INSL6: variants seen among roughly 807,000 people sequenced by gnomAD.
INSL6 encodes insulin-like peptide INSL6.
INSL6 carries 16 observed loss-of-function variants against 9.4 expected under a neutral mutation model. The observed-to-expected ratio is 1.70, with a 90% confidence interval of 1.15 to 2.59. The LOEUF (loss-of-function observed/expected upper bound fraction) is 2.59. Among genes scored for constraint, INSL6 ranks in the 30% most tolerant of loss-of-function variants. The probability of loss-of-function intolerance (pLI) is 0.00; values close to 1 mark genes in which losing one functional copy is unlikely to be tolerated. For synonymous variants in INSL6, 154 were observed against 96.9 expected, an observed-to-expected ratio of 1.59 and a Z score of -3.46; for missense variants, 391 against 257.3, an observed-to-expected ratio of 1.52 and a Z score of -3.56.
the INSL6 span, chr9:5,050,658 G>C: frequency 6.3e-7 from 1 of 1,597,848 alleles, no homozygotes; most frequent in Non-Finnish European, 8.6e-7. Context: ...CTTACGATGA[G>C]ATATTTCCTT....
chr9:5,146,354 A>G (rs1197621484), intron 2 of INSL6, among the ~76,000 whole-genome samples: 1 of 152,128 alleles, frequency 6.6e-6, no homozygotes, highest in Non-Finnish European at 1.5e-5. Context: ...TCGGAGTGCT[A>G]GTGGATTCAG....
At chr9:5,181,153 A>G (rs914416733) in intron 1 of INSL6, among the ~76,000 whole-genome samples, 1 of 152,218 alleles carries the variant, frequency 6.6e-6, no homozygotes, top group African/African-American at 2.4e-5. Flanking sequence ...ATAAAATTCC[A>G]TGTGGACTTT....
chr9:5,085,513 T>A, the INSL6 span: 1 of 719,218 alleles, frequency 1.4e-6, no homozygotes, highest in South Asian at 1.4e-5. Flanking sequence ...CTGAAGAAAT[T>A]CACCACACAC....
At chr9:5,167,911 C>T (rs1278967919) in intron 1 of INSL6, among the ~76,000 whole-genome samples, 2 of 152,160 alleles carry the variant, frequency 1.3e-5, no homozygotes, top group Non-Finnish European at 2.9e-5. Flanking sequence ...CACGGTGATA[C>T]CTCCTGGGGT....
At chr9:5,154,854 G>C (rs1824785243) in intron 2 of INSL6, among the ~76,000 whole-genome samples, 1 of 152,122 alleles carries the variant, frequency 6.6e-6, no homozygotes. Flanking sequence ...TGGAGAAACA[G>C]GAACACTTTT....
the INSL6 span, among the ~76,000 whole-genome samples, chr9:5,005,343 A>G: frequency 3.3e-5 from 5 of 151,544 alleles, no homozygotes; most frequent in African/African-American, 1.2e-4. Flanking sequence ...TGCATTTCTT[A>G]TCTATTTTGG....
chr9:4,999,186 A>G, the INSL6 span, among the ~76,000 whole-genome samples: 2 of 152,108 alleles, frequency 1.3e-5, no homozygotes, highest in Non-Finnish European at 2.9e-5. Flanking sequence ...CCCAAGGTAA[A>G]ATGATTACAT....
chr9:5,106,577 G>A, the INSL6 span, among the ~76,000 whole-genome samples: 4 of 152,178 alleles, frequency 2.6e-5, no homozygotes, highest in African/African-American at 9.7e-5. Flanking sequence ...TATAAATCAT[G>A]CTGCTATAAA....
the INSL6 span, among the ~76,000 whole-genome samples, chr9:5,049,286 G>C: frequency 6.6e-6 from 1 of 152,084 alleles, no homozygotes; most frequent in African/African-American, 2.4e-5. Flanking sequence ...TCTAGGATCA[G>C]GTCATTCAAG....
At chr9:5,119,252 T>C (rs1168253048), downstream of INSL6, among the ~76,000 whole-genome samples, 1 of 152,104 alleles carries the variant, frequency 6.6e-6, no homozygotes, top group Non-Finnish European at 1.5e-5. Flanking sequence ...ATATTAATAA[T>C]ATGTGATTTT....
the INSL6 span, among the ~76,000 whole-genome samples, chr9:5,093,643 C>G: frequency 1.3e-5 from 2 of 152,106 alleles, no homozygotes; most frequent in African/African-American, 2.4e-5. Flanking sequence ...CATATTCAAC[C>G]TCCGAACAAC....
chr9:5,001,991 A>G, the INSL6 span, among the ~76,000 whole-genome samples: 1 of 151,962 alleles, frequency 6.6e-6, no homozygotes, highest in African/African-American at 2.4e-5. Flanking sequence ...ATATCCACTT[A>G]CTGTTTATAA....
At chr9:5,023,806 G>C in the INSL6 span, among the ~76,000 whole-genome samples, 1 of 152,242 alleles carries the variant, frequency 6.6e-6, no homozygotes, top group East Asian at 1.9e-4. Flanking sequence ...CAGTTATCTT[G>C]ACTATATTGT....
intron 2 of INSL6, among the ~76,000 whole-genome samples, chr9:5,138,885 G>A (rs1824435906): frequency 6.7e-6 from 1 of 150,162 alleles, no homozygotes; most frequent in East Asian, 1.9e-4. Flanking sequence ...CTTCTGTCGG[G>A]TTGTTTTTAT....
At chr9:5,170,904 C>G (rs1297778048) in intron 1 of INSL6, among the ~76,000 whole-genome samples, 4 of 152,092 alleles carry the variant, frequency 2.6e-5, no homozygotes, top group African/African-American at 9.7e-5. Flanking sequence ...TGAATTCTAC[C>G]AAAAGTACAA....
At chr9:5,030,414 G>A in the INSL6 span, among the ~76,000 whole-genome samples, 3 of 152,006 alleles carry the variant, frequency 2.0e-5, no homozygotes, top group East Asian at 3.9e-4. Context: ...TTTTTTGCTC[G>A]AAAGGATGAA....
chr9:5,151,480 G>A (rs901145176), intron 2 of INSL6, among the ~76,000 whole-genome samples: 1 of 151,946 alleles, frequency 6.6e-6, no homozygotes, highest in Non-Finnish European at 1.5e-5. Context: ...TAAAATGTAT[G>A]GCACAAACAC....
At chr9:5,013,581 C>T in the INSL6 span, among the ~76,000 whole-genome samples, 6 of 152,200 alleles carry the variant, frequency 3.9e-5, no homozygotes, top group Admixed American at 2.6e-4. Context: ...CAGGAACATG[C>T]TGTGTACATT....
chr9:5,153,008 C>T (rs1268652058), intron 2 of INSL6, among the ~76,000 whole-genome samples: 1 of 152,174 alleles, frequency 6.6e-6, no homozygotes, highest in Non-Finnish European at 1.5e-5. Context: ...CACTCCAGCC[C>T]AGATACTGCA....
Sources: gnomAD v4.1 joint callset for allele counts (sites outside exome capture counted in the v4.1 genomes callset) on GRCh38, gnomAD v4.1.1 for gene constraint, MANE v1.5 for transcripts, NCBI Gene and HGNC (gene_info 2026-07-23, HGNC 2026-07-21) for gene names.